GATAD2B: variants seen among roughly 807,000 people sequenced by gnomAD.
The protein encoded by GATAD2B is GATA zinc finger domain containing 2B.
In GATAD2B, 8 loss-of-function variants were observed where a neutral mutation model predicts 64.3. The ratio of observed to expected loss-of-function variants is 0.12; its 90% CI spans 0.07 to 0.22. The LOEUF is 0.22. GATAD2B is among the 10% of genes least tolerant of loss of function. GATAD2B has a pLI of 1.00. For missense variants in GATAD2B, 453 were observed against 752.0 expected (o/e 0.60, Z 4.65); for synonymous variants, 281 against 271.3 (o/e 1.04, Z -0.35).
intron 1 of GATAD2B, among the ~76,000 whole-genome samples, chr1:153,872,553 C>CAA (rs556951338): frequency 5.3e-4 from 76 of 143,206 alleles, no homozygotes; most frequent in Admixed American, 1.2e-3. Flanking sequence ...TACATAATAT[C>CAA]AAAAAAAAAA....
At chr1:153,861,392 C>T (rs193198456) in intron 1 of GATAD2B, among the ~76,000 whole-genome samples, 2 of 150,762 alleles carry the variant, frequency 1.3e-5, no homozygotes, top group Admixed American at 1.3e-4. Flanking sequence ...TGCCTCCCAC[C>T]CCGGGCCATC....
At chr1:153,842,710 T>A (rs1168250749) in intron 1 of GATAD2B, among the ~76,000 whole-genome samples, 1 of 152,078 alleles carries the variant, frequency 6.6e-6, no homozygotes, top group Non-Finnish European at 1.5e-5. Context: ...TGGAGTGCAA[T>A]GGCACAATCT....
intron 1 of GATAD2B, among the ~76,000 whole-genome samples, chr1:153,901,777 T>C (rs1455019142): frequency 6.6e-6 from 1 of 151,318 alleles, no homozygotes; most frequent in Middle Eastern, 3.4e-3. Flanking sequence ...TGAGCCACGA[T>C]CGTGCCACTG....
chr1:153,910,453 C>T (rs1322718303), intron 1 of GATAD2B, among the ~76,000 whole-genome samples: 1 of 152,088 alleles, frequency 6.6e-6, no homozygotes, highest in Non-Finnish European at 1.5e-5. Flanking sequence ...ACAAAATAGG[C>T]TTTGGGCTGG....
rs932388856 is a variant in GATAD2B at position 153,806,426 on chromosome 1, C to G, written c.*3751G>C. The G allele has an allele frequency of 4.6e-5, 7 of 152,062 alleles. No individual in the cohort carries two copies. Among genetic ancestry groups the G allele is most frequent in the African/African-American group, 1.7e-4 (7 of 41,360 alleles). 9.4% of individuals were successfully genotyped at this position (152,062 alleles called of 1,614,324 possible). A position where few individuals can be genotyped will look rare whatever the true frequency, so the allele number is the denominator to read the frequency against. ...TCTCTAAGGAGGGATGGGGTTGGAG[C>G]AGCTGCCAGTCTCAGTGTGCTGGGC... On this transcript the variant is annotated 3_prime_UTR_variant, in exon 11 of 11. Coordinates refer to ENST00000368655, the MANE Select transcript of GATAD2B (RefSeq NM_020699.4).
At chr1:153,908,870 C>T (rs1678032595) in intron 1 of GATAD2B, among the ~76,000 whole-genome samples, 4 of 151,580 alleles carry the variant, frequency 2.6e-5, no homozygotes, top group Admixed American at 2.6e-4. Context: ...AATCCTAGGT[C>T]ACTGCAGCCT....
intron 1 of GATAD2B, among the ~76,000 whole-genome samples, chr1:153,836,955 C>T (rs1675289807): frequency 6.6e-6 from 1 of 152,132 alleles, no homozygotes; most frequent in African/African-American, 2.4e-5. Context: ...AACCCAGATA[C>T]CTGAATGTCT....
intron 1 of GATAD2B, among the ~76,000 whole-genome samples, chr1:153,863,124 A>G (rs145140970): frequency 7.3e-4 from 111 of 152,274 alleles, no homozygotes; most frequent in African/African-American, 2.4e-3. Context: ...CTGCATTTTT[A>G]CTACTCTCTC....
intron 1 of GATAD2B, chr1:153,889,555 A>C: frequency 1.2e-5 from 2 of 161,234 alleles, no homozygotes; most frequent in Non-Finnish European, 2.6e-5. Context: ...GAATTTCAAG[A>C]CAATCACACA....
In GATAD2B at chr1:153,810,159, G is replaced by C; in HGVS notation, c.*18C>G. 6.2e-7 allele frequency: 1 copy of C among 1,603,724 alleles called. No homozygotes were observed. Among genetic ancestry groups the C allele is most frequent in the African/African-American group, 1.3e-5 (1 of 74,466 alleles). On this transcript the variant is annotated 3_prime_UTR_variant, in exon 11 of 11. Coordinates refer to ENST00000368655, the MANE Select transcript of GATAD2B (RefSeq NM_020699.4). Reference sequence around the variant, plus strand: ...GGATAAAGGATTCAAGGATGGGGCAGTACAAGTGGAACAGGCGTTATTTCT... The same window carrying C: ...GGATAAAGGATTCAAGGATGGGGCACTACAAGTGGAACAGGCGTTATTTCT...
At chr1:153,884,516 C>T (rs901800649) in intron 1 of GATAD2B, among the ~76,000 whole-genome samples, 1 of 151,510 alleles carries the variant, frequency 6.6e-6, no homozygotes, top group Non-Finnish European at 1.5e-5. Context: ...GCAGGAGAAT[C>T]GTCTGAACCT....
At chr1:153,843,385 C>T (rs1382078319) in intron 1 of GATAD2B, among the ~76,000 whole-genome samples, 2 of 152,016 alleles carry the variant, frequency 1.3e-5, no homozygotes, top group Non-Finnish European at 2.9e-5. Flanking sequence ...GCCTCAAATT[C>T]CTGGCCTCAT....
intron 1 of GATAD2B, among the ~76,000 whole-genome samples, chr1:153,854,177 C>T (rs568897593): frequency 3.3e-5 from 5 of 152,154 alleles, no homozygotes; most frequent in South Asian, 2.1e-4. Context: ...CTGAAACGGG[C>T]GGATCGTGAG....
intron 1 of GATAD2B, among the ~76,000 whole-genome samples, chr1:153,871,487 C>A (rs1487268879): frequency 6.6e-6 from 1 of 152,026 alleles, no homozygotes; most frequent in Admixed American, 6.6e-5. Flanking sequence ...CAGGTGTAAG[C>A]CACTGTACCC....
At chr1:153,841,124 CAAAAA>C (rs941317761) in intron 1 of GATAD2B, among the ~76,000 whole-genome samples, 2 of 77,434 alleles carry the variant, frequency 2.6e-5, no homozygotes, top group Non-Finnish European at 2.5e-5. Flanking sequence ...GACTCCGTCT[CAAAAA>C]AAAAAAAAAA....
At chr1:153,888,344 A>G (rs1470065262) in intron 1 of GATAD2B, among the ~76,000 whole-genome samples, 1 of 152,226 alleles carries the variant, frequency 6.6e-6, no homozygotes, top group Non-Finnish European at 1.5e-5. Context: ...TCTGTCTTCC[A>G]AAAGACAAAG....
At chr1:153,904,273 C>T (rs913799108) in intron 1 of GATAD2B, among the ~76,000 whole-genome samples, 22 of 148,664 alleles carry the variant, frequency 1.5e-4, no homozygotes, top group African/African-American at 5.3e-4. Context: ...CACTGAAACT[C>T]CATCTCAAAT....
chr1:153,827,966 C>T (rs1674940816), intron 2 of GATAD2B, 47 bp downstream of exon 2: 3 of 1,389,484 alleles, frequency 2.2e-6, no homozygotes, highest in South Asian at 1.2e-5. Flanking sequence ...TTTTCACAGG[C>T]TTTATGAGAC....
At chr1:153,836,577 G>T (rs1417464214) in intron 1 of GATAD2B, among the ~76,000 whole-genome samples, 1 of 41,556 alleles carries the variant, frequency 2.4e-5, no homozygotes, top group Non-Finnish European at 9.8e-5. Flanking sequence ...AAAAGGCATG[G>T]TGACTGAAGT....
Sources: gnomAD v4.1 joint callset for allele counts (sites outside exome capture counted in the v4.1 genomes callset) on GRCh38, gnomAD v4.1.1 for gene constraint, MANE v1.5 for transcripts, NCBI Gene and HGNC (gene_info 2026-07-23, HGNC 2026-07-21) for gene names.